Variants in PCDH7 observed in about 807,000 individuals in gnomAD.
PCDH7 encodes the protein protocadherin 7.
In PCDH7, 17 loss-of-function variants were observed where a neutral mutation model predicts 58.9. That is an observed-to-expected ratio of 0.29 (90% CI 0.20 to 0.43). PCDH7 has a LOEUF of 0.43. PCDH7 is among the 20% of genes least tolerant of loss of function. PCDH7 has a pLI of 1.00. For missense variants in PCDH7, 1,274 were observed against 1,441.0 expected (o/e 0.88, Z 1.88); for synonymous variants, 664 against 616.4 (o/e 1.08, Z -1.14).
intron 1 of PCDH7, among the ~76,000 whole-genome samples, chr4:30,902,290 C>G (rs1027512885): frequency 6.6e-6 from 1 of 152,054 alleles, no homozygotes; most frequent in Non-Finnish European, 1.5e-5. Context: ...CCCTGTATCT[C>G]TGTGTTTTTT....
At chr4:31,138,568 G>A (rs890052939) in intron 3 of PCDH7, among the ~76,000 whole-genome samples, 9 of 152,156 alleles carry the variant, frequency 5.9e-5, no homozygotes, top group South Asian at 2.1e-4. Flanking sequence ...CAGCTCTCCC[G>A]TAGCTTGGAC....
chr4:30,966,875 A>G (rs1749042815), intron 3 of PCDH7, among the ~76,000 whole-genome samples: 3 of 152,270 alleles, frequency 2.0e-5, no homozygotes, highest in South Asian at 4.1e-4. Context: ...TTTAGTAAGA[A>G]GAGCATCAAA....
intron 3 of PCDH7, among the ~76,000 whole-genome samples, chr4:31,029,035 T>A (rs980528968): frequency 6.6e-6 from 1 of 152,186 alleles, no homozygotes; most frequent in Non-Finnish European, 1.5e-5. Flanking sequence ...TCAGAAACAA[T>A]TACAAAATTT....
intron 3 of PCDH7, among the ~76,000 whole-genome samples, chr4:31,066,239 T>C (rs1758079210): frequency 6.6e-6 from 1 of 151,862 alleles, no homozygotes; most frequent in South Asian, 2.1e-4. Context: ...ATGCATATAT[T>C]ATGAGGAAAG....
In PCDH7 at chr4:30,935,634, A is replaced by G. The variant is rs77477452; in HGVS notation, c.288-14486A>G. On this transcript the variant is annotated intron_variant, in intron 2 of 3. Transcript: ENST00000509759. ...ATTAATCAAGTAATTACTAAAGATC[A>G]TTCAGTGAGCAGTGGCAGAATAGTT... Among the ~76,000 whole-genome samples the G allele has an allele frequency of 8.1e-3, 1,236 of 152,260 alleles. 11 individuals carry two copies. The highest frequency in any genetic ancestry group is 0.012 in the Non-Finnish European group (824 of 67,972).
chr4:30,831,656 C>T (rs1729798865), intron 1 of PCDH7, among the ~76,000 whole-genome samples: 1 of 152,074 alleles, frequency 6.6e-6, no homozygotes. Flanking sequence ...TCTCATCAGG[C>T]TAACTCTGAA....
intron 3 of PCDH7, among the ~76,000 whole-genome samples, chr4:30,991,274 G>T (rs886285607): frequency 6.6e-6 from 1 of 152,112 alleles, no homozygotes; most frequent in South Asian, 2.1e-4. Context: ...GTCAGTTTTC[G>T]TTTTGCCAGC....
chr4:30,869,287 CT>C (rs34519747), intron 1 of PCDH7, among the ~76,000 whole-genome samples: 35,376 of 151,862 alleles, frequency 0.23, 4,208 homozygotes, highest in Middle Eastern at 0.26. Context: ...TGTTGATTTA[CT>C]TTTTTTTAAA....
At chr4:31,022,921 A>C (rs1212440171) in intron 3 of PCDH7, among the ~76,000 whole-genome samples, 2 of 152,232 alleles carry the variant, frequency 1.3e-5, no homozygotes, top group African/African-American at 4.8e-5. Context: ...CCAACAGTTA[A>C]GATGAAGGAA....
chr4:30,764,464 A>C (rs1039065136), intron 1 of PCDH7, among the ~76,000 whole-genome samples: 15 of 152,188 alleles, frequency 9.9e-5, no homozygotes, highest in Admixed American at 7.9e-4. Flanking sequence ...TTTATCATTT[A>C]TCCCAAGATA....
intron 1 of PCDH7, among the ~76,000 whole-genome samples, chr4:30,855,142 G>A (rs1733292748): frequency 6.6e-6 from 1 of 152,146 alleles, no homozygotes; most frequent in South Asian, 2.1e-4. Flanking sequence ...ACAAGGACAG[G>A]AAGCCACACA....
intron 1 of PCDH7, among the ~76,000 whole-genome samples, chr4:30,858,804 CT>C (rs570448459): frequency 1.1e-4 from 16 of 149,458 alleles, no homozygotes; most frequent in South Asian, 4.2e-4. Flanking sequence ...CACATGAAGT[CT>C]TTTTTTTTTA....
At chr4:30,792,715 A>G (rs1057235331) in intron 1 of PCDH7, among the ~76,000 whole-genome samples, 44 of 152,122 alleles carry the variant, frequency 2.9e-4, no homozygotes, top group African/African-American at 1.0e-3. Flanking sequence ...CTATCTCAGT[A>G]GGAGCTGAGG....
At chr4:31,125,525 T>G (rs1368461247) in intron 3 of PCDH7, among the ~76,000 whole-genome samples, 1 of 152,228 alleles carries the variant, frequency 6.6e-6, no homozygotes, top group African/African-American at 2.4e-5. Context: ...TGGCATATGA[T>G]TTTTGGACTT....
At chr4:31,038,066 G>T (rs73216795) in intron 3 of PCDH7, among the ~76,000 whole-genome samples, 8,281 of 152,300 alleles carry the variant, frequency 0.054, 300 homozygotes, top group Middle Eastern at 0.099. Flanking sequence ...GAGCAATCCT[G>T]ACCTGCAATT....
At chr4:31,084,718 G>A (rs1578753789) in intron 3 of PCDH7, among the ~76,000 whole-genome samples, 1 of 103,662 alleles carries the variant, frequency 9.6e-6, no homozygotes, top group Non-Finnish European at 2.0e-5. Context: ...GAGGAGGGGA[G>A]GGGAGAAGAG....
At chr4:30,949,149 C>T (rs1380041599) in intron 2 of PCDH7, among the ~76,000 whole-genome samples, 1 of 152,112 alleles carries the variant, frequency 6.6e-6, no homozygotes, top group Non-Finnish European at 1.5e-5. Context: ...TAATTCTCTC[C>T]TATATTTCAT....
chr4:30,848,807 G>C (rs973119874), intron 1 of PCDH7, among the ~76,000 whole-genome samples: 1 of 152,036 alleles, frequency 6.6e-6, no homozygotes, highest in Non-Finnish European at 1.5e-5. Flanking sequence ...AGTACTTACA[G>C]CCAATGACCT....
intron 1 of PCDH7, among the ~76,000 whole-genome samples, chr4:30,890,124 T>C (rs1738420104): frequency 6.6e-6 from 1 of 152,130 alleles, no homozygotes; most frequent in Non-Finnish European, 1.5e-5. Flanking sequence ...TACAGTGACT[T>C]AAGGAGATAT....
Sources: allele counts gnomAD v4.1 joint callset (sites outside exome capture counted in the v4.1 genomes callset), GRCh38; gene constraint gnomAD v4.1.1; transcripts MANE v1.5; gene names NCBI Gene and HGNC (gene_info 2026-07-23, HGNC 2026-07-21).